The following NRXN1 variants were observed in gnomAD, a reference collection of about 807,000 sequenced individuals.
NRXN1 encodes neurexin-1.
In NRXN1, 39 loss-of-function variants were observed where a neutral mutation model predicts 150.9. That is an observed-to-expected ratio of 0.26 (90% CI 0.20 to 0.34). The LOEUF is 0.34. Ranked by LOEUF, NRXN1 falls within the 10% of genes least tolerant of loss-of-function variation. The pLI is 1.00. For missense variants in NRXN1, 1,815 were observed against 1,949.9 expected (o/e 0.93, Z 1.30); for synonymous variants, 924 against 757.0 (o/e 1.22, Z -3.62).
chr2:50,116,551 G>A (rs914784331), intron 18 of NRXN1, among the ~76,000 whole-genome samples: 18 of 151,992 alleles, frequency 1.2e-4, no homozygotes, highest in African/African-American at 4.1e-4. Context: ...CCCTTCCAAG[G>A]CATTCTCAAA....
chr2:49,986,638 A>G (rs1161803524), intron 21 of NRXN1, among the ~76,000 whole-genome samples: 1 of 152,242 alleles, frequency 6.6e-6, no homozygotes, highest in Non-Finnish European at 1.5e-5. Flanking sequence ...TTTATGAGAT[A>G]CAGAGTGATA....
chr2:50,278,392 T>C (rs2070944784), intron 17 of NRXN1, among the ~76,000 whole-genome samples: 1 of 146,452 alleles, frequency 6.8e-6, no homozygotes, highest in Non-Finnish European at 1.5e-5. Context: ...CCTCAAGTGC[T>C]CCGCCCCCCT....
chr2:50,070,188 G>T (rs1005329433), intron 19 of NRXN1, among the ~76,000 whole-genome samples: 4 of 151,926 alleles, frequency 2.6e-5, no homozygotes, highest in Non-Finnish European at 5.9e-5. Context: ...AGACAATGAA[G>T]GACAAGGCAT....
At chr2:50,945,899 T>TATATAC (rs371095334) in intron 2 of NRXN1, among the ~76,000 whole-genome samples, 93 of 103,020 alleles carry the variant, frequency 9.0e-4, no homozygotes, top group African/African-American at 3.3e-3. Flanking sequence ...TATATATATA[T>TATATAC]ACACACACAC....
rs112094276 is a variant in NRXN1 at position 50,745,653 on chromosome 2, C to A, written c.833-122038G>T. ...CACAGATCAGCATGCCTGGGGAGGC[C>A]TCAGAAAACTTACAATCATGGTCGA... On this transcript the variant is annotated intron_variant, in intron 5 of 22. Transcript: ENST00000401669. 1.1e-4 allele frequency among the ~76,000 whole-genome samples: 17 copies of A among 152,116 alleles called. 1 individual carries two copies. Among genetic ancestry groups the A allele is most frequent in the African/African-American group, 4.1e-4 (17 of 41,516 alleles).
At chr2:50,192,792 T>G (rs1442556706) in intron 18 of NRXN1, among the ~76,000 whole-genome samples, 2 of 152,168 alleles carry the variant, frequency 1.3e-5, no homozygotes, top group Non-Finnish European at 2.9e-5. Flanking sequence ...TATTTTTTAG[T>G]AGAGACAAGG....
intron 18 of NRXN1, among the ~76,000 whole-genome samples, chr2:50,115,240 T>TATATATATATATATATATATATATAC (rs1270800103): frequency 7.5e-6 from 1 of 133,970 alleles, no homozygotes. Context: ...TATATATATA[T>TATATATATATATATATATATATATAC]ACACACACAC....
intron 2 of NRXN1, among the ~76,000 whole-genome samples, chr2:51,026,010 T>G (rs886383080): frequency 1.3e-5 from 2 of 152,172 alleles, no homozygotes; most frequent in African/African-American, 4.8e-5. Context: ...AGACCAGTTT[T>G]TTTTCTTCCT....
At chr2:50,700,003 C>T (rs780242166) in intron 5 of NRXN1, among the ~76,000 whole-genome samples, 1 of 152,110 alleles carries the variant, frequency 6.6e-6, no homozygotes, top group African/African-American at 2.4e-5. Context: ...ATTATGCACA[C>T]AGTAGGTATG....
chr2:50,069,127 G>T (rs1458364029), intron 19 of NRXN1, among the ~76,000 whole-genome samples: 1 of 152,192 alleles, frequency 6.6e-6, no homozygotes, highest in Non-Finnish European at 1.5e-5. Flanking sequence ...GCTGTTCCCA[G>T]AATAAGAATA....
At chr2:50,246,499 A>T (rs955974873) in intron 17 of NRXN1, among the ~76,000 whole-genome samples, 44 of 152,068 alleles carry the variant, frequency 2.9e-4, no homozygotes. Flanking sequence ...AGTTCTACTC[A>T]TTTATCTTCT....
chr2:50,299,470 G>A (rs1048054866), intron 17 of NRXN1, among the ~76,000 whole-genome samples: 26 of 149,800 alleles, frequency 1.7e-4, no homozygotes, highest in African/African-American at 5.9e-4. Context: ...TTTTCCCCCT[G>A]AAGAATTGAT....
chr2:50,454,647 G>A (rs935207092), intron 17 of NRXN1, among the ~76,000 whole-genome samples: 3 of 143,062 alleles, frequency 2.1e-5, no homozygotes, highest in Non-Finnish European at 4.5e-5. Flanking sequence ...TAAAAGAGCT[G>A]TAGAAATGGG....
chr2:49,978,866 A>G (rs1387499242), intron 21 of NRXN1, among the ~76,000 whole-genome samples: 2 of 152,202 alleles, frequency 1.3e-5, no homozygotes, highest in Non-Finnish European at 2.9e-5. Flanking sequence ...ATGGATTTTA[A>G]TGTAGAGAGG....
At chr2:50,635,975 T>A (rs566551747) in intron 5 of NRXN1, among the ~76,000 whole-genome samples, 1 of 152,334 alleles carries the variant, frequency 6.6e-6, no homozygotes, top group South Asian at 2.1e-4. Context: ...ATGTTAGATA[T>A]TATGATCATT....
At chr2:50,161,546 G>A (rs1271171488) in intron 18 of NRXN1, among the ~76,000 whole-genome samples, 1 of 152,132 alleles carries the variant, frequency 6.6e-6, no homozygotes, top group Non-Finnish European at 1.5e-5. Context: ...AAAGCAGACT[G>A]GGAGAATTTT....
At chr2:50,689,982 G>A (rs1416070438) in intron 5 of NRXN1, among the ~76,000 whole-genome samples, 2 of 151,554 alleles carry the variant, frequency 1.3e-5, no homozygotes, top group African/African-American at 4.8e-5. Context: ...TGCCTCTGGG[G>A]CTCAAGCAAT....
chr2:50,418,124 T>G (rs888074676), intron 17 of NRXN1, among the ~76,000 whole-genome samples: 3 of 151,988 alleles, frequency 2.0e-5, no homozygotes, highest in African/African-American at 7.2e-5. Context: ...GGATTTTATT[T>G]CCTTTGTACT....
chr2:50,483,206 C>T (rs530873731), intron 15 of NRXN1, among the ~76,000 whole-genome samples: 4 of 152,114 alleles, frequency 2.6e-5, no homozygotes, highest in Non-Finnish European at 4.4e-5. Flanking sequence ...TTTACAAATG[C>T]CATGTCAACG....
Sources: allele counts gnomAD v4.1 joint callset (sites outside exome capture counted in the v4.1 genomes callset), GRCh38; gene constraint gnomAD v4.1.1; transcripts MANE v1.5; gene names NCBI Gene and HGNC (gene_info 2026-07-23, HGNC 2026-07-21).